STX2: variants seen among roughly 807,000 people sequenced by gnomAD.
STX2 encodes the protein syntaxin 2.
Under a neutral mutation model 40.6 loss-of-function variants are expected in STX2, and 27 were observed. The ratio of observed to expected loss-of-function variants is 0.66; its 90% CI spans 0.49 to 0.92. STX2 has a LOEUF of 0.92. STX2 is among the 40% of genes least tolerant of loss of function. The pLI, the probability that STX2 is intolerant of heterozygous loss-of-function variation, is 0.00. For missense variants in STX2, 328 were observed against 366.1 expected (o/e 0.90, Z 0.85); for synonymous variants, 123 against 119.1 (o/e 1.03, Z -0.22).
At chr12:130,815,854 C>T (rs1323520504) in intron 3 of STX2, among the ~76,000 whole-genome samples, 1 of 152,130 alleles carries the variant, frequency 6.6e-6, no homozygotes, top group Non-Finnish European at 1.5e-5. Context: ...TTTATGTCTC[C>T]TTCATATTAG....
chr12:130,809,819 A>G (rs1356765918), intron 4 of STX2, among the ~76,000 whole-genome samples: 1 of 152,220 alleles, frequency 6.6e-6, no homozygotes, highest in Admixed American at 6.5e-5. Flanking sequence ...CTCCATCTCA[A>G]AAAAATAAAC....
At position 130,790,133 on chromosome 12, in the gene STX2, C is replaced by G. The variant is rs1480773620; in HGVS notation, c.*1890G>C. On this transcript the variant is annotated 3_prime_UTR_variant, in exon 11 of 11. Transcript: ENST00000392373. The stretch of plus-strand genomic sequence containing the variant: ...TTCAACATAGCCACAAATCAGTGAG[C>G]ACATCCCACGACAGGGTGTTTAAAG... The G allele has an allele frequency of 1.3e-5, 2 of 152,188 alleles. No individual in the cohort carries two copies. Among genetic ancestry groups the G allele is most frequent in the African/African-American group, 4.8e-5 (2 of 41,438 alleles). The allele number at this position is 152,188 out of a possible 1,614,324, so 9.4% of individuals were successfully genotyped here. A position where few individuals can be genotyped will look rare whatever the true frequency, so the allele number is the denominator to read the frequency against.
chr12:130,812,154 C>A, intron 4 of STX2: 1 of 233,464 alleles, frequency 4.3e-6, no homozygotes, highest in Non-Finnish European at 8.6e-6. Context: ...TTATTTGGGA[C>A]TCAATTCAAG....
chr12:130,831,790 CTT>C (rs1224351189), intron 1 of STX2, among the ~76,000 whole-genome samples: 5 of 150,598 alleles, frequency 3.3e-5, no homozygotes, highest in African/African-American at 4.9e-5. Context: ...TTTACTAACA[CTT>C]GTTTCCATTA....
intron 4 of STX2, among the ~76,000 whole-genome samples, chr12:130,809,242 A>G (rs1430313852): frequency 6.6e-6 from 1 of 152,096 alleles, no homozygotes; most frequent in Non-Finnish European, 1.5e-5. Flanking sequence ...AGATACACAC[A>G]GATATATATA....
chr12:130,808,518 T>G, intron 5 of STX2, 113 bp downstream of exon 5: 1 of 963,048 alleles, frequency 1.0e-6, no homozygotes, highest in Non-Finnish European at 1.6e-6. Flanking sequence ...TGTGCAGAAA[T>G]ACTATGAGGA....
intron 6 of STX2, among the ~76,000 whole-genome samples, chr12:130,804,602 C>T (rs550821603): frequency 1.3e-5 from 2 of 152,212 alleles, no homozygotes; most frequent in Non-Finnish European, 2.9e-5. Context: ...CTCTGTCTCT[C>T]GGGGGCTTCT....
At chr12:130,795,481 C>G (rs1328602887) in intron 10 of STX2, among the ~76,000 whole-genome samples, 1 of 152,160 alleles carries the variant, frequency 6.6e-6, no homozygotes, top group Non-Finnish European at 1.5e-5. Flanking sequence ...TACAGTGGCT[C>G]ATGTCTATGT....
chr12:130,824,380 G>A (rs111232852), intron 2 of STX2, among the ~76,000 whole-genome samples: 29 of 152,036 alleles, frequency 1.9e-4, no homozygotes, highest in South Asian at 6.2e-4. Context: ...GCGAGGCTCC[G>A]TCTCAAAAAA....
At chr12:130,831,524 C>T (rs1010845148) in intron 1 of STX2, among the ~76,000 whole-genome samples, 1 of 152,016 alleles carries the variant, frequency 6.6e-6, no homozygotes, top group African/African-American at 2.4e-5. Context: ...AAAAATTAGC[C>T]AGGCGTGGTG....
At chr12:130,830,394 G>A (rs910499528) in intron 1 of STX2, among the ~76,000 whole-genome samples, 4 of 151,988 alleles carry the variant, frequency 2.6e-5, no homozygotes, top group Non-Finnish European at 4.4e-5. Flanking sequence ...CATGGTGACC[G>A]TCCCATGCTG....
chr12:130,839,080 T>C lies in STX2; in HGVS notation c.20A>G (p.Asp7Gly), dbSNP rs1279483443. 3.0e-6 allele frequency: 4 copies of C among 1,321,334 alleles called. No homozygotes were observed. The highest frequency in any genetic ancestry group is 1.5e-5 in the African/African-American group (1 of 64,970). 81.9% of individuals were successfully genotyped at this position (1,321,334 alleles called of 1,614,324 possible). A position where few individuals can be genotyped will look rare whatever the true frequency, so the allele number is the denominator to read the frequency against. MRDRLP[D>G]LTACRKNDDG... ...GCGGCTGCCGCTCACCGCCGTCAGGTCTGGCAGCCGGTCCCGCATCCCCGC... is the reference window on the plus strand; with the variant it reads ...GCGGCTGCCGCTCACCGCCGTCAGGCCTGGCAGCCGGTCCCGCATCCCCGC... Residue 7 changes from aspartate (D) to glycine (G), a missense_variant, in exon 1 of 11, where the codon GAC becomes GGC. Coordinates refer to ENST00000392373, the MANE Select transcript of STX2 (RefSeq NM_194356.4).
chr12:130,799,161 G>A (rs77253548), intron 8 of STX2, among the ~76,000 whole-genome samples: 1,659 of 152,328 alleles, frequency 0.011, 34 homozygotes, highest in African/African-American at 0.038. Flanking sequence ...GGGAGGTAAC[G>A]TATTACCTGG....
intron 1 of STX2, 82 bp from the exon 2 acceptor site, chr12:130,827,349 A>G (rs1238774453): frequency 1.9e-6 from 2 of 1,080,148 alleles, no homozygotes; most frequent in Non-Finnish European, 2.8e-6. Context: ...AAACAGTTCA[A>G]TACCCACAAG....
intron 1 of STX2, among the ~76,000 whole-genome samples, chr12:130,835,281 C>T (rs1593199376): frequency 1.3e-5 from 2 of 152,166 alleles, no homozygotes; most frequent in South Asian, 4.1e-4. Context: ...ACAGTGAGAT[C>T]CTGTCTCAAA....
chr12:130,827,428 C>A (rs1012301590), intron 1 of STX2, among the ~76,000 whole-genome samples, 161 bp from the exon 2 acceptor site: 1 of 152,150 alleles, frequency 6.6e-6, no homozygotes, highest in Non-Finnish European at 1.5e-5. Flanking sequence ...AACTGAACTC[C>A]GCAACATTTT....
At chr12:130,810,236 T>G (rs1051413648) in intron 4 of STX2, among the ~76,000 whole-genome samples, 1 of 152,242 alleles carries the variant, frequency 6.6e-6, no homozygotes, top group African/African-American at 2.4e-5. Flanking sequence ...ATTTGGGGCA[T>G]AGTTGAAAGG....
chr12:130,805,101 T>C (rs528948984), intron 6 of STX2, among the ~76,000 whole-genome samples: 10 of 152,194 alleles, frequency 6.6e-5, no homozygotes, highest in Admixed American at 1.3e-4. Flanking sequence ...CTGCCTGTAA[T>C]GATGACTTTC....
chr12:130,806,983 T>A lies in STX2; in HGVS notation c.462A>T (p.Ile154=), dbSNP rs1181971249. ...AAAGACGGAGTCTCCATTACTCACT[T>A]ATCTCCAGCTGGCGCTGGATGCGGC... ...SKGRIQRQLE[I]TGRTTTDDEL... is the part of the protein sequence containing the mutation. The change falls in exon 6 of 11, where the codon ATA becomes ATT. Residue 154 remains isoleucine, a splice_region_variant and synonymous_variant. Coordinates refer to ENST00000392373, the MANE Select transcript of STX2 (RefSeq NM_194356.4). 5.6e-6 allele frequency: 9 copies of A among 1,613,494 alleles called. No homozygotes were observed. The highest frequency in any genetic ancestry group is 7.6e-6 in the Non-Finnish European group (9 of 1,179,412).
Sources: gnomAD v4.1 joint callset for allele counts (sites outside exome capture counted in the v4.1 genomes callset) on GRCh38, gnomAD v4.1.1 for gene constraint, MANE v1.5 for transcripts, NCBI Gene and HGNC (gene_info 2026-07-23, HGNC 2026-07-21) for gene names.